The following GTF3C4 variants were observed in gnomAD, a reference collection of about 807,000 sequenced individuals.
GTF3C4 encodes the protein general transcription factor IIIC subunit 4, also known as general transcription factor 3C polypeptide 4.
In GTF3C4, 28 loss-of-function variants were observed where a neutral mutation model predicts 67.5. The ratio of observed to expected loss-of-function variants is 0.41; its 90% CI spans 0.31 to 0.57. The LOEUF is 0.57. Among genes scored for constraint, GTF3C4 ranks in the 20% least tolerant of loss-of-function variants. The probability of loss-of-function intolerance (pLI) is 0.21; values close to 1 mark genes in which losing one functional copy is unlikely to be tolerated. For missense variants in GTF3C4, 831 were observed against 1,033.2 expected (o/e 0.80, Z 2.68); for synonymous variants, 409 against 393.0 (o/e 1.04, Z -0.48).
In GTF3C4 at chr9:132,678,768, C is replaced by T. The variant is rs371213198; in HGVS notation, c.1149C>T (p.Tyr383=). Residue 383 remains tyrosine, a synonymous_variant, in exon 2 of 5, where the codon TAC becomes TAT. Coordinates refer to ENST00000372146, the MANE Select transcript of GTF3C4 (RefSeq NM_012204.4). This position sits in a 1 kb window ranked among gnomAD's most constrained non-coding sequence, Gnocchi z 6.5. The stretch of plus-strand genomic sequence containing the variant: ...AATGTGTGCCACTTTATCATCCTTA[C>T]CAGAAGTGTAGTTGCAGCTTAGTAG... The part of the protein sequence containing the change: ...SIKCVPLYHP[Y]QKCSCSLVVA... 1.2e-6 allele frequency: 2 copies of T among 1,613,928 alleles called. No individual in the cohort carries two copies. Among genetic ancestry groups the T allele is most frequent in the African/African-American group, 2.7e-5 (2 of 74,926 alleles).
rs187493776 is a variant in GTF3C4, at chr9:132,689,750, C to T, written c.*805C>T. On this transcript the variant is annotated 3_prime_UTR_variant, in exon 5 of 5. Transcript: ENST00000372146. ...TGGTAGCCTAGATGAGCTATTTGTA[C>T]ACAGAGGAAAAAAAGATATTTTCCT... The T allele has an allele frequency of 2.0e-5, 3 of 152,168 alleles. No individual in the cohort carries two copies. The East Asian group carries it at 5.8e-4, about 29-fold the overall frequency. 9.4% of individuals were successfully genotyped at this position (152,168 alleles called of 1,614,324 possible).
Position 132,678,803 on chromosome 9 carries a change from G to T in GTF3C4, c.1184G>T (p.Arg395Ile). Residue 395 changes from arginine (R) to isoleucine (I), a missense_variant, in exon 2 of 5, where the codon AGA (arginine) becomes ATA (isoleucine). Arg to Ile is a moderately conservative substitution (Grantham distance 97). This residue lies in a region of GTF3C4 where 390 missense variants were observed against 540.3 expected (regional missense o/e 0.72). Coordinates refer to ENST00000372146, the MANE Select transcript of GTF3C4 (RefSeq NM_012204.4). This position sits in a 1 kb window ranked among gnomAD's most constrained non-coding sequence, Gnocchi z 6.5. ...AGTTGCAGCTTAGTAGTGGCTGCAAGAGGCTCTTATGTATTTTGGTGTCTT... is the reference window on the plus strand; with the variant it reads ...AGTTGCAGCTTAGTAGTGGCTGCAATAGGCTCTTATGTATTTTGGTGTCTT... ...KCSCSLVVAA[R>I]GSYVFWCLLL... The T allele has an allele frequency of 6.2e-7, 1 of 1,614,176 alleles. No homozygotes were observed. Among genetic ancestry groups the T allele is most frequent in the Non-Finnish European group, 8.5e-7 (1 of 1,180,022 alleles).
intron 1 of GTF3C4, among the ~76,000 whole-genome samples, chr9:132,677,401 T>C (rs1280921248): frequency 6.6e-6 from 1 of 152,122 alleles, no homozygotes; most frequent in Non-Finnish European, 1.5e-5. Flanking sequence ...GACTCTGTCT[T>C]ACTGTCCCAT....
At chr9:132,687,798 A>G (rs575252988) in intron 4 of GTF3C4, among the ~76,000 whole-genome samples, 52 of 152,228 alleles carry the variant, frequency 3.4e-4, no homozygotes, top group Admixed American at 5.2e-4. Flanking sequence ...TGATAGTTCT[A>G]ATGTCATCCG....
Position 132,678,736 on chromosome 9 carries a change from A to G in GTF3C4, c.1117A>G (p.Ser373Gly). Residue 373 changes from serine to glycine, a missense_variant, in exon 2 of 5, where the codon AGT becomes GGT. Transcript: ENST00000372146. This position sits in a 1 kb window ranked among gnomAD's most constrained non-coding sequence, Gnocchi z 6.5. ...AGAAATGGACCAGTTACCTGTGCAC[A>G]GTATCAAATGTGTGCCACTTTATCA... ...WKEMDQLPVH[S>G]IKCVPLYHPY... is the part of the protein sequence containing the mutation. 6.2e-7 allele frequency: 1 copy of G among 1,614,178 alleles called. No homozygotes were observed. The highest frequency in any genetic ancestry group is 8.5e-7 in the Non-Finnish European group (1 of 1,179,974).
chr9:132,671,732 T>C (rs1835771032), intron 1 of GTF3C4, among the ~76,000 whole-genome samples: 1 of 152,156 alleles, frequency 6.6e-6, no homozygotes, highest in South Asian at 2.1e-4. Context: ...TGTATATTCA[T>C]ACATTCAATA....
Position 132,678,482 on chromosome 9 carries a change from G to A in GTF3C4, c.863G>A (p.Trp288Ter). ...TTTGAAAACGGTAATATCGCCGTGTGGCAGTTTCAGCTGCCGTTTGTAGGA... is the reference window on the plus strand; with the variant it reads ...TTTGAAAACGGTAATATCGCCGTGTAGCAGTTTCAGCTGCCGTTTGTAGGA... Reference protein sequence around the residue: ...VLFENGNIAVWQFQLPFVGKE... With the variant: ...VLFENGNIAV The change falls in exon 2 of 5, where the codon TGG becomes TAG. Residue 288 changes from tryptophan (W) to a stop codon, truncating the protein, a stop_gained. Transcript: ENST00000372146. LOFTEE classifies it high-confidence loss of function. This position sits in a 1 kb window ranked among gnomAD's most constrained non-coding sequence, Gnocchi z 6.5. 1 of 1,614,174 alleles carries A rather than the reference G, an allele frequency of 6.2e-7. No homozygotes were observed. The highest frequency in any genetic ancestry group is 8.5e-7 in the Non-Finnish European group (1 of 1,180,036).
chr9:132,679,927 C>A lies in GTF3C4; in HGVS notation c.2184+124C>A. On this transcript the variant is annotated intron_variant, in intron 2 of 4. Transcript: ENST00000372146. This position sits in a 1 kb window ranked among gnomAD's most constrained non-coding sequence, Gnocchi z 5.9. ...TGACATTTTTTAGGTAATTTATTTGCTTGAGGTGCAGGGTAATAAATAGGA... is the reference window on the plus strand; with the variant it reads ...TGACATTTTTTAGGTAATTTATTTGATTGAGGTGCAGGGTAATAAATAGGA... 2.5e-6 allele frequency: 2 copies of A among 809,492 alleles called. No individual in the cohort carries two copies. The highest frequency in any genetic ancestry group is 3.9e-6 in the Non-Finnish European group (2 of 518,608). 50.1% of individuals were successfully genotyped at this position (809,492 alleles called of 1,614,324 possible). A position where few individuals can be genotyped will look rare whatever the true frequency, so the allele number is the denominator to read the frequency against.
intron 1 of GTF3C4, among the ~76,000 whole-genome samples, chr9:132,674,018 C>G (rs886944090): frequency 6.6e-6 from 1 of 152,094 alleles, no homozygotes; most frequent in Non-Finnish European, 1.5e-5. Context: ...TGTTAGGAGC[C>G]TTAGAAAGTA....
chr9:132,679,872 A>C lies in GTF3C4; in HGVS notation c.2184+69A>C. 1.4e-6 allele frequency: 2 copies of C among 1,402,484 alleles called. No individual in the cohort carries two copies. Among genetic ancestry groups the C allele is most frequent in the South Asian group, 1.5e-5 (1 of 68,910 alleles). The allele number at this position is 1,402,484 out of a possible 1,614,324, so 86.9% of individuals were successfully genotyped here. ...TTCTTCATGAGAAAGAAATGACCTA[A>C]ATTGAGTTCCTGAAGCTCAACTTTT... On this transcript the variant is annotated intron_variant, in intron 2 of 4. Transcript: ENST00000372146. The surrounding 1 kb of genome is among the most constrained non-coding windows in gnomAD (Gnocchi z 5.9).
intron 3 of GTF3C4, among the ~76,000 whole-genome samples, chr9:132,686,087 A>G (rs1280489565): frequency 1.3e-5 from 2 of 151,038 alleles, no homozygotes; most frequent in Non-Finnish European, 2.9e-5. Flanking sequence ...TGCAACAACC[A>G]TGTATGGGGA....
At position 132,679,053 on chromosome 9, in the gene GTF3C4, C is replaced by T. The variant is rs147481161; in HGVS notation, c.1434C>T (p.His478=). 5.3e-5 allele frequency: 85 copies of T among 1,614,170 alleles called. No individual in the cohort carries two copies. The African/African-American group carries it at 5.3e-4, about 10-fold the overall frequency. The change falls in exon 2 of 5, where the codon CAC becomes CAT. Residue 478 remains histidine, a synonymous_variant. Coordinates refer to ENST00000372146, the MANE Select transcript of GTF3C4 (RefSeq NM_012204.4). The surrounding 1 kb of genome is among the most constrained non-coding windows in gnomAD (Gnocchi z 5.9). ...LSDVFGSVRT[H]GIAVSPCGAY... ...ATGTGTTTGGCTCAGTGAGGACTCACGGGATAGCAGTGAGCCCCTGCGGTG... is the reference window on the plus strand; with the variant it reads ...ATGTGTTTGGCTCAGTGAGGACTCATGGGATAGCAGTGAGCCCCTGCGGTG...
At chr9:132,672,223 T>C (rs917234980) in intron 1 of GTF3C4, among the ~76,000 whole-genome samples, 1 of 152,214 alleles carries the variant, frequency 6.6e-6, no homozygotes, top group Non-Finnish European at 1.5e-5. Context: ...TATCTTCTGC[T>C]GTAAAGGAAT....
chr9:132,682,760 G>A (rs549561803), intron 2 of GTF3C4, among the ~76,000 whole-genome samples: 1 of 151,732 alleles, frequency 6.6e-6, no homozygotes, highest in Non-Finnish European at 1.5e-5. Context: ...ATGTGCCACC[G>A]TGCCTGGCTA....
chr9:132,680,615 T>C (rs1835925897), intron 2 of GTF3C4, among the ~76,000 whole-genome samples: 1 of 152,244 alleles, frequency 6.6e-6, no homozygotes, highest in African/African-American at 2.4e-5. Context: ...ACTAAAGTCT[T>C]ATTTAAAGTA....
chr9:132,681,321 A>G (rs1255624900), intron 2 of GTF3C4, among the ~76,000 whole-genome samples: 1 of 152,186 alleles, frequency 6.6e-6, no homozygotes, highest in Non-Finnish European at 1.5e-5. Context: ...TAGCATGGTG[A>G]TGTGATTCCA....
In GTF3C4 at chr9:132,679,036, G is replaced by A; in HGVS notation, c.1417G>A (p.Gly473Ser). ...GTTGATTAAACTCTCAGATGTGTTTGGCTCAGTGAGGACTCACGGGATAGC... is the reference window on the plus strand; with the variant it reads ...GTTGATTAAACTCTCAGATGTGTTTAGCTCAGTGAGGACTCACGGGATAGC... The part of the protein sequence containing the change: ...HQLIKLSDVF[G>S]SVRTHGIAVS... Residue 473 changes from glycine to serine, a missense_variant, in exon 2 of 5, where the codon GGC (glycine) becomes AGC (serine). By Grantham distance (56) the Gly-to-Ser change is moderately conservative. Around this residue, in one of 4 missense-constraint regions of GTF3C4, gnomAD observed 390 missense variants for 540.3 expected, o/e 0.72. Coordinates refer to ENST00000372146, the MANE Select transcript of GTF3C4 (RefSeq NM_012204.4). The surrounding 1 kb of genome is among the most constrained non-coding windows in gnomAD (Gnocchi z 5.9). The A allele has an allele frequency of 6.2e-7, 1 of 1,614,170 alleles. No individual in the cohort carries two copies. The highest frequency in any genetic ancestry group is 8.5e-7 in the Non-Finnish European group (1 of 1,180,022).
At position 132,679,110 on chromosome 9, in the gene GTF3C4, G is replaced by A; in HGVS notation, c.1491G>A (p.Met497Ile). 1 of 1,614,190 alleles carries A rather than the reference G, an allele frequency of 6.2e-7. No homozygotes were observed. Among genetic ancestry groups the A allele is most frequent in the Non-Finnish European group, 8.5e-7 (1 of 1,180,022 alleles). The part of the protein sequence containing the change: ...AYLAIITTEG[M>I]INGLHPVNKN... ...TGGCCATCATCACCACTGAGGGCAT[G>A]ATCAACGGCCTCCACCCTGTTAACA... The change falls in exon 2 of 5, where the codon ATG (methionine) becomes ATA (isoleucine). Residue 497 changes from methionine (M) to isoleucine (I), a missense_variant. Met to Ile is a conservative substitution (Grantham distance 10, BLOSUM62 1). Transcript: ENST00000372146. This position sits in a 1 kb window ranked among gnomAD's most constrained non-coding sequence, Gnocchi z 5.9.
rs1217120322 is a variant in GTF3C4 at position 132,678,945 on chromosome 9, C to T, written c.1326C>T (p.Ser442=). 1.2e-6 allele frequency: 2 copies of T among 1,614,208 alleles called. No individual in the cohort carries two copies. Among genetic ancestry groups the T allele is most frequent in the South Asian group, 1.1e-5 (1 of 91,076 alleles). The change falls in exon 2 of 5, where the codon TCC becomes TCT. Residue 442 remains serine, a synonymous_variant. Coordinates refer to ENST00000372146, the MANE Select transcript of GTF3C4 (RefSeq NM_012204.4). This position sits in a 1 kb window ranked among gnomAD's most constrained non-coding sequence, Gnocchi z 6.5. The part of the protein sequence containing the change: ...DKQNGTVYTC[S]SDGKVRQLIP... ...AGAATGGAACAGTCTATACTTGCTC[C>T]AGTGACGGAAAGGTGAGGCAGCTGA...
Sources: gnomAD v4.1 joint callset for allele counts (sites outside exome capture counted in the v4.1 genomes callset) on GRCh38, gnomAD v4.1.1 for gene constraint, gnomAD v4.1.1 regional missense constraint, Gnocchi (gnomAD v3.1) non-coding constraint, MANE v1.5 for transcripts, NCBI Gene and HGNC (gene_info 2026-07-23, HGNC 2026-07-21) for gene names.